The following EBF1 variants were observed in gnomAD, a reference collection of about 807,000 sequenced individuals.
EBF1 encodes EBF transcription factor 1, also known as transcription factor COE1.
In EBF1, 10 loss-of-function variants were observed where a neutral mutation model predicts 68.4. The ratio of observed to expected loss-of-function variants is 0.15; its 90% confidence interval spans 0.09 to 0.25. The LOEUF is 0.25. Among genes scored for constraint, EBF1 ranks in the 10% least tolerant of loss-of-function variants. EBF1 has a pLI of 1.00. For missense variants in EBF1, 509 were observed against 794.4 expected, an observed-to-expected ratio of 0.64 and a Z score of 4.32; for synonymous variants, 298 against 299.8, an observed-to-expected ratio of 0.99 and a Z score of 0.06.
At chr5:158,822,308 G>GGATGGATGGATA (rs1554145962) in intron 8 of EBF1, among the ~76,000 whole-genome samples, 110 of 131,118 alleles carry the variant, frequency 8.4e-4, no homozygotes, top group Admixed American at 6.1e-3. Context: ...ATGGATGGAT[G>GGATGGATGGATA]GATGGATAGA....
At chr5:159,044,664 C>A (rs1356844605) in intron 6 of EBF1, among the ~76,000 whole-genome samples, 1 of 152,130 alleles carries the variant, frequency 6.6e-6, no homozygotes, top group African/African-American at 2.4e-5. Context: ...TTCTAAAGTG[C>A]AGGTCCCCAA....
At chr5:159,081,100 C>A (rs1485501105) in intron 5 of EBF1, among the ~76,000 whole-genome samples, 1 of 152,152 alleles carries the variant, frequency 6.6e-6, no homozygotes, top group South Asian at 2.1e-4. Context: ...CCCACCTCAG[C>A]CCCCTGAGTA....
intron 4 of EBF1, among the ~76,000 whole-genome samples, chr5:159,086,058 T>C (rs776119991): frequency 4.3e-4 from 66 of 152,302 alleles, no homozygotes; most frequent in Middle Eastern, 6.8e-3. Context: ...ATGGCTAACC[T>C]ATAATACCTT....
chr5:158,857,467 G>A (rs999334052), intron 6 of EBF1, among the ~76,000 whole-genome samples: 4 of 151,968 alleles, frequency 2.6e-5, no homozygotes, highest in African/African-American at 9.7e-5. Flanking sequence ...TTGAAGTCCC[G>A]AAGACCAAAT....
chr5:158,909,183 C>T (rs1336006562), intron 6 of EBF1, among the ~76,000 whole-genome samples: 2 of 151,726 alleles, frequency 1.3e-5, no homozygotes, highest in Admixed American at 6.6e-5. Flanking sequence ...GTGAAATGCA[C>T]GAAGGTGTTA....
At chr5:158,826,134 T>C (rs561430871) in intron 7 of EBF1, among the ~76,000 whole-genome samples, 2 of 152,316 alleles carry the variant, frequency 1.3e-5, no homozygotes, top group East Asian at 3.9e-4. Context: ...TTGAGACAGA[T>C]AAACATTAAA....
chr5:159,012,105 G>T, intron 6 of EBF1, among the ~76,000 whole-genome samples: 1 of 152,158 alleles, frequency 6.6e-6, no homozygotes, highest in Non-Finnish European at 1.5e-5. Flanking sequence ...TGGCCAACAT[G>T]GTGAAACCCC....
chr5:159,029,991 C>T (rs935911001), intron 6 of EBF1, among the ~76,000 whole-genome samples: 3 of 151,030 alleles, frequency 2.0e-5, no homozygotes, highest in African/African-American at 7.3e-5. Context: ...TGAATATGTT[C>T]ATCAGTATTA....
chr5:158,869,213 T>C (rs1796439704), intron 6 of EBF1, among the ~76,000 whole-genome samples: 1 of 152,234 alleles, frequency 6.6e-6, no homozygotes, highest in Admixed American at 6.5e-5. Flanking sequence ...TCTATAAAGA[T>C]ATCAACCCAG....
At chr5:158,803,189 G>T (rs1222950228) in intron 8 of EBF1, among the ~76,000 whole-genome samples, 6 of 152,032 alleles carry the variant, frequency 3.9e-5, no homozygotes, top group Non-Finnish European at 5.9e-5. Context: ...CGGGATACTT[G>T]TGACCTCGTA....
Position 158,787,254 on chromosome 5 carries a change from T to C in EBF1, c.909+9091A>G, listed in dbSNP as rs371872549. Reference sequence around the variant, plus strand: ...GATTACTCAGGGCCACTGTCATTAATGAGCTGCACAGTAATATAGTTCTGT... The same window carrying C: ...GATTACTCAGGGCCACTGTCATTAACGAGCTGCACAGTAATATAGTTCTGT... On this transcript the variant is annotated intron_variant, in intron 9 of 15. Transcript: ENST00000313708. 1.4e-3 allele frequency among the ~76,000 whole-genome samples: 220 copies of C among 152,330 alleles called. 1 individual carries two copies. The highest frequency in any genetic ancestry group is 5.0e-3 in the African/African-American group (207 of 41,588).
chr5:158,963,628 T>A lies in EBF1; in HGVS notation c.554+109768A>T, dbSNP rs893966514. ...CTTTTAAAGGTGCTACTAGGGAAGCTGGTGGTCACCTGATCCCCTTTGTAA... is the reference window on the plus strand; with the variant it reads ...CTTTTAAAGGTGCTACTAGGGAAGCAGGTGGTCACCTGATCCCCTTTGTAA... On this transcript the variant is annotated intron_variant, in intron 6 of 15. Coordinates refer to ENST00000313708, the MANE Select transcript of EBF1 (RefSeq NM_024007.5). Among the ~76,000 whole-genome samples, 98 of 152,320 alleles carry A rather than the reference T, an allele frequency of 6.4e-4. 1 individual carries two copies. Among genetic ancestry groups the A allele is most frequent in the African/African-American group, 2.2e-3 (93 of 41,570 alleles).
chr5:158,933,437 A>G (rs1811328606), intron 6 of EBF1, among the ~76,000 whole-genome samples: 1 of 152,240 alleles, frequency 6.6e-6, no homozygotes, highest in South Asian at 2.1e-4. Flanking sequence ...CATTTTCCCA[A>G]TCAAATTCTT....
At chr5:158,866,864 T>C (rs1300408943) in intron 6 of EBF1, among the ~76,000 whole-genome samples, 2 of 55,816 alleles carry the variant, frequency 3.6e-5, no homozygotes, top group Admixed American at 3.1e-4. Context: ...TATATATATA[T>C]ATATATATAT....
intron 6 of EBF1, among the ~76,000 whole-genome samples, chr5:158,955,090 C>A (rs769129438): frequency 6.6e-6 from 1 of 151,900 alleles, no homozygotes; most frequent in Non-Finnish European, 1.5e-5. Context: ...TTTGGGAGGC[C>A]GAGGAGGGCG....
At chr5:158,858,630 C>A (rs1037635373) in intron 6 of EBF1, among the ~76,000 whole-genome samples, 8 of 152,212 alleles carry the variant, frequency 5.3e-5, no homozygotes, top group African/African-American at 1.9e-4. Flanking sequence ...CCCAAATTCT[C>A]TCCTCTGTGC....
At chr5:158,996,810 T>C (rs760044041) in intron 6 of EBF1, among the ~76,000 whole-genome samples, 82 of 152,196 alleles carry the variant, frequency 5.4e-4, no homozygotes, top group Non-Finnish European at 9.3e-4. Context: ...TTAAAAGCTA[T>C]AAAACAAGCT....
chr5:158,949,730 A>G (rs1279739764), intron 6 of EBF1, among the ~76,000 whole-genome samples: 1 of 152,258 alleles, frequency 6.6e-6, no homozygotes, highest in Non-Finnish European at 1.5e-5. Flanking sequence ...TATTCAATAA[A>G]TGTTCACCAA....
intron 6 of EBF1, among the ~76,000 whole-genome samples, chr5:159,007,919 T>G (rs1178218399): frequency 1.3e-5 from 2 of 152,208 alleles, no homozygotes; most frequent in African/African-American, 4.8e-5. Flanking sequence ...ACCCAACAAA[T>G]GTTAAAATTG....
Sources: gnomAD v4.1 joint callset for allele counts (sites outside exome capture counted in the v4.1 genomes callset) on GRCh38, gnomAD v4.1.1 for gene constraint, MANE v1.5 for transcripts, NCBI Gene and HGNC (gene_info 2026-07-23, HGNC 2026-07-21) for gene names.